JAKMIP1: variants seen among roughly 807,000 people sequenced by gnomAD.
The protein encoded by JAKMIP1 is janus kinase and microtubule-interacting protein 1.
JAKMIP1 carries 33 observed loss-of-function variants against 113.0 expected under a neutral mutation model. That is an observed-to-expected ratio of 0.29 (90% CI 0.22 to 0.39). The LOEUF (loss-of-function observed/expected upper bound fraction) is 0.39. Ranked by LOEUF, JAKMIP1 falls within the 10% of genes least tolerant of loss-of-function variation. JAKMIP1 has a pLI of 1.00. For synonymous variants in JAKMIP1, 480 were observed against 459.9 expected (o/e 1.04, Z -0.56); for missense variants, 813 against 1,080.5 (o/e 0.75, Z 3.47).
At chr4:6,114,626 G>A (rs971280096) in intron 1 of JAKMIP1, among the ~76,000 whole-genome samples, 2 of 152,236 alleles carry the variant, frequency 1.3e-5, no homozygotes, top group Non-Finnish European at 2.9e-5. Flanking sequence ...CTGAACAGGA[G>A]AGAGGGGTGT....
chr4:6,054,692 A>C, intron 12 of JAKMIP1: 6 of 455,872 alleles, frequency 1.3e-5, no homozygotes, highest in South Asian at 9.3e-5. Context: ...CACCGCCTGC[A>C]TCCCAGACCC....
intron 1 of JAKMIP1, among the ~76,000 whole-genome samples, chr4:6,152,095 G>C (rs887790336): frequency 3.9e-5 from 6 of 151,904 alleles, no homozygotes; most frequent in African/African-American, 1.5e-4. Context: ...AAAGAGACAG[G>C]GGAAGGAAGA....
rs906803943 is a variant in JAKMIP1 at position 6,061,250 on chromosome 4, C to T, written c.1561-743G>A. Among the ~76,000 whole-genome samples the T allele has an allele frequency of 9.2e-5, 14 of 152,216 alleles. No homozygotes were observed. Among genetic ancestry groups the T allele is most frequent in the Non-Finnish European group, 1.5e-5 (1 of 68,042 alleles). On this transcript the variant is annotated intron_variant, in intron 10 of 20. Coordinates refer to ENST00000409021, the MANE Select transcript of JAKMIP1 (RefSeq NM_001099433.2). The surrounding 1 kb of genome is among the most constrained non-coding windows in gnomAD (Gnocchi z 5.3). Reference sequence around the variant, plus strand: ...AAAAAGCGAAACAAAAATTATTCAGCCCACACAAAGCCTCACAGTTTCCCT... The same window carrying T: ...AAAAAGCGAAACAAAAATTATTCAGTCCACACAAAGCCTCACAGTTTCCCT...
chr4:6,060,336 T>C (rs1578120690), intron 11 of JAKMIP1, 88 bp downstream of exon 11: 1 of 969,244 alleles, frequency 1.0e-6, no homozygotes, highest in Admixed American at 1.7e-5. Context: ...CCACAGAATG[T>C]CCCCCTTGGC....
intron 5 of JAKMIP1, among the ~76,000 whole-genome samples, chr4:6,082,303 T>C (rs901456765): frequency 3.3e-5 from 5 of 151,926 alleles, no homozygotes; most frequent in Non-Finnish European, 7.4e-5. Context: ...AGGTAAAATA[T>C]TCTGATGGTA....
rs1185313814 is a variant in JAKMIP1, at chr4:6,076,576, A to T, written c.1302+2363T>A. 6.6e-6 allele frequency among the ~76,000 whole-genome samples: 1 copy of T among 152,206 alleles called. No homozygotes were observed. The highest frequency in any genetic ancestry group is 2.4e-5 in the African/African-American group (1 of 41,462). ...AGTGGCATTACCTGAACGCTGCAGT[A>T]AAGGCCACCAGGAGGCAGCCTGGGA... is the stretch of plus-strand genomic sequence containing the variant. On this transcript the variant is annotated intron_variant, in intron 8 of 20. Transcript: ENST00000409021. The surrounding 1 kb of genome is among the most constrained non-coding windows in gnomAD (Gnocchi z 4.8).
intron 18 of JAKMIP1, 112 bp from the exon 19 acceptor site, chr4:6,036,219 AG>A: frequency 1.2e-6 from 1 of 825,658 alleles, no homozygotes; most frequent in Non-Finnish European, 1.9e-6. Context: ...TCGGGCAGGG[AG>A]GGGCAACTGG....
Position 6,142,738 on chromosome 4 carries a change from CT to C in JAKMIP1, c.-147-29742del, listed in dbSNP as rs1720340903. 6.6e-6 allele frequency among the ~76,000 whole-genome samples: 1 copy of C among 152,202 alleles called. No individual in the cohort carries two copies. Among genetic ancestry groups the C allele is most frequent in the Non-Finnish European group, 1.5e-5 (1 of 68,040 alleles). Reference sequence around the variant, plus strand: ...GGATGGGGTGCTCTGGCCCCGGGGCCTGGCCGCAGGCAGAGATCAGTTCATG... The same window carrying C: ...GGATGGGGTGCTCTGGCCCCGGGGCCGGCCGCAGGCAGAGATCAGTTCATG... On this transcript the variant is annotated intron_variant, in intron 1 of 20. Transcript: ENST00000409021. The surrounding 1 kb of genome is among the most constrained non-coding windows in gnomAD (Gnocchi z 5.5).
In JAKMIP1 at chr4:6,049,791, A is replaced by G. The variant is rs1166776792; in HGVS notation, c.1962+28T>C. On this transcript the variant is annotated intron_variant, in intron 15 of 20. Transcript: ENST00000409021. This position sits in a 1 kb window ranked among gnomAD's most constrained non-coding sequence, Gnocchi z 7.0. ...ACACCCAGATCAAAACAAGAACACG[A>G]AAGCAGAAACCGATCGCTCATAGTT... is the stretch of plus-strand genomic sequence containing the variant. The G allele has an allele frequency of 3.2e-6, 5 of 1,578,298 alleles. No individual in the cohort carries two copies. In the Admixed American group the frequency reaches 5.0e-5, roughly 16 times the overall value.
In JAKMIP1 at chr4:6,049,093, T is replaced by C. The variant is rs974798961; in HGVS notation, c.1963-171A>G. Among the ~76,000 whole-genome samples, 3 of 151,898 alleles carry C rather than the reference T, an allele frequency of 2.0e-5. No individual in the cohort carries two copies. Among genetic ancestry groups the C allele is most frequent in the Non-Finnish European group, 4.4e-5 (3 of 67,960 alleles). On this transcript the variant is annotated intron_variant, in intron 15 of 20. Coordinates refer to ENST00000409021, the MANE Select transcript of JAKMIP1 (RefSeq NM_001099433.2). This position sits in a 1 kb window ranked among gnomAD's most constrained non-coding sequence, Gnocchi z 7.0. ...CCTGGGTTTGAGTGCAGTGGTGTGA[T>C]CTCGGCTCACTGTAACCTCTGCCTC...
chr4:6,115,060 G>A (rs138107642), intron 1 of JAKMIP1, among the ~76,000 whole-genome samples: 103 of 152,304 alleles, frequency 6.8e-4, no homozygotes, highest in Non-Finnish European at 1.3e-3. Context: ...TCTAAGCCCC[G>A]ACAGAAAAGT....
In JAKMIP1 at chr4:6,192,012, A is replaced by C. The variant is rs773238339; in HGVS notation, c.-148+8241T>G. Among the ~76,000 whole-genome samples, 3 of 151,670 alleles carry C rather than the reference A, an allele frequency of 2.0e-5. No individual in the cohort carries two copies. ...CAATGGCCCAATCTTGGCTCATTAC[A>C]ACCTCCGCCTCCCGGGTTTGAGCTA... On this transcript the variant is annotated intron_variant, in intron 1 of 20. Transcript: ENST00000409021. The surrounding 1 kb of genome is among the most constrained non-coding windows in gnomAD (Gnocchi z 5.0).
intron 1 of JAKMIP1, among the ~76,000 whole-genome samples, chr4:6,160,267 C>T (rs952542164): frequency 2.0e-5 from 3 of 152,092 alleles, no homozygotes; most frequent in African/African-American, 7.2e-5. Flanking sequence ...TTTTTAGAGT[C>T]CTCCCAAATT....
chr4:6,174,883 T>C (rs746783310), intron 1 of JAKMIP1, among the ~76,000 whole-genome samples: 1 of 152,150 alleles, frequency 6.6e-6, no homozygotes, highest in Non-Finnish European at 1.5e-5. Flanking sequence ...TGCCCACCCA[T>C]GTGGCCCCAT....
chr4:6,090,891 A>G (rs1324943748), intron 3 of JAKMIP1, among the ~76,000 whole-genome samples: 1 of 151,944 alleles, frequency 6.6e-6, no homozygotes, highest in Non-Finnish European at 1.5e-5. Flanking sequence ...CACGTTGACC[A>G]TGACGTCCTT....
intron 19 of JAKMIP1, among the ~76,000 whole-genome samples, chr4:6,035,042 C>T (rs1439751351): frequency 6.6e-6 from 1 of 152,212 alleles, no homozygotes; most frequent in Non-Finnish European, 1.5e-5. Context: ...CTAGCCTGCC[C>T]TCCAGATTGT....
rs1320948598 is a variant in JAKMIP1, at chr4:6,089,976, C to T, written c.625-4347G>A. 1.3e-5 allele frequency among the ~76,000 whole-genome samples: 2 copies of T among 152,190 alleles called. No homozygotes were observed. The highest frequency in any genetic ancestry group is 1.9e-4 in the East Asian group (1 of 5,184). The stretch of plus-strand genomic sequence containing the variant: ...GAAGAGGACACCTGTAATCCCAGCA[C>T]TTTGGGAGGCCGAGGCAGGCGAATC... On this transcript the variant is annotated intron_variant, in intron 3 of 20. Transcript: ENST00000409021. The surrounding 1 kb of genome is among the most constrained non-coding windows in gnomAD (Gnocchi z 5.3).
Position 6,154,781 on chromosome 4 carries a change from C to T in JAKMIP1, c.-147-41784G>A, listed in dbSNP as rs996491697. Among the ~76,000 whole-genome samples the T allele has an allele frequency of 6.6e-6, 1 of 152,174 alleles. No individual in the cohort carries two copies. ...CATGAACTACAGACAGCACCCTAAA[C>T]ATCCTGTTCTGCCTTTGTATCCAGT... is the stretch of plus-strand genomic sequence containing the variant. On this transcript the variant is annotated intron_variant, in intron 1 of 20. Coordinates refer to ENST00000409021, the MANE Select transcript of JAKMIP1 (RefSeq NM_001099433.2). The surrounding 1 kb of genome is among the most constrained non-coding windows in gnomAD (Gnocchi z 4.2).
chr4:6,063,042 T>G (rs1717534220), intron 9 of JAKMIP1, among the ~76,000 whole-genome samples: 1 of 151,986 alleles, frequency 6.6e-6, no homozygotes, highest in South Asian at 2.1e-4. Flanking sequence ...CTCGGGAGGC[T>G]GAGGCAGGAG....
Sources: allele counts gnomAD v4.1 joint callset (sites outside exome capture counted in the v4.1 genomes callset), GRCh38; gene constraint gnomAD v4.1.1; non-coding constraint Gnocchi (gnomAD v3.1); transcripts MANE v1.5; gene names NCBI Gene and HGNC (gene_info 2026-07-23, HGNC 2026-07-21).